MYOF: variants seen among roughly 807,000 people sequenced by gnomAD.
The protein encoded by MYOF is myoferlin, also known as fer-1-like 3, myoferlin.
A neutral mutation model predicts 284.2 loss-of-function variants in MYOF; 244 were observed. The observed-to-expected ratio is 0.86, with a 90% CI of 0.77 to 0.95. The LOEUF (loss-of-function observed/expected upper bound fraction) is 0.95. Among genes scored for constraint, MYOF ranks in the 40% least tolerant of loss-of-function variants. The probability of loss-of-function intolerance (pLI) is 0.00; values close to 1 mark genes in which losing one functional copy is unlikely to be tolerated. For missense variants in MYOF, 2,496 were observed against 2,560.6 expected (o/e 0.97, Z 0.54); for synonymous variants, 904 against 919.7 (o/e 0.98, Z 0.31).
chr10:93,475,960 TTTCCTTAGGCAGTGAG>T (rs1164494425), intron 1 of MYOF, among the ~76,000 whole-genome samples: 1 of 152,210 alleles, frequency 6.6e-6, no homozygotes, highest in Non-Finnish European at 1.5e-5. Flanking sequence ...GTGGGGCCAC[TTTCCTTAGGCAGTGAG>T]TCTCTAAGCC....
chr10:93,389,285 G>C, intron 17 of MYOF, 131 bp from the exon 18 acceptor site: 1 of 999,158 alleles, frequency 1.0e-6, no homozygotes, highest in Non-Finnish European at 1.4e-6. Context: ...AATGCAAGTT[G>C]TAAGCACCAT....
chr10:93,406,844 A>AG (rs1847616421), intron 7 of MYOF, among the ~76,000 whole-genome samples: 1 of 151,178 alleles, frequency 6.6e-6, no homozygotes, highest in African/African-American at 2.4e-5. Context: ...ATAAAGAAGT[A>AG]GGAAAAAAAA....
intron 3 of MYOF, among the ~76,000 whole-genome samples, chr10:93,434,392 C>T (rs1322990971): frequency 6.8e-6 from 1 of 147,656 alleles, no homozygotes; most frequent in Non-Finnish European, 1.5e-5. Context: ...GATCAGGCCA[C>T]TGCACTCCAG....
chr10:93,460,805 A>AGTGCC (rs1330230772), intron 1 of MYOF, among the ~76,000 whole-genome samples: 1 of 150,194 alleles, frequency 6.7e-6, no homozygotes, highest in African/African-American at 2.5e-5. Flanking sequence ...AGAAAAAAAA[A>AGTGCC]GTGCCACAGG....
rs1394147171 is a variant in MYOF at position 93,452,119 on chromosome 10, C to T, written c.167G>A (p.Gly56Asp). ...GGAAGATGAAAAGTCCAGTGGTATA[C>T]CCCTCAAGTCAAACTCCAAAATCTG... ...WNEILEFDLR[G>D]IPLDFSSSLG... is the part of the protein sequence containing the mutation. Residue 56 changes from glycine (G) to aspartate (D), a missense_variant, in exon 3 of 54, where the codon GGT becomes GAT. Gly to Asp is a moderately conservative substitution (Grantham distance 94). Around this residue, in one of 3 missense-constraint regions of MYOF, gnomAD observed 57 missense variants for 62.4 expected, o/e 0.91. Coordinates refer to ENST00000359263, the MANE Select transcript of MYOF (RefSeq NM_013451.4). The T allele has an allele frequency of 1.2e-6, 2 of 1,609,928 alleles. No individual in the cohort carries two copies. Among genetic ancestry groups the T allele is most frequent in the Non-Finnish European group, 1.7e-6 (2 of 1,179,036 alleles).
intron 3 of MYOF, 135 bp from the exon 4 acceptor site, chr10:93,431,651 A>T (rs1848877121): frequency 1.6e-6 from 1 of 624,022 alleles, no homozygotes; most frequent in South Asian, 2.1e-5. Flanking sequence ...CCATTTTGCT[A>T]TTAGCCTCGC....
At chr10:93,472,407 G>A (rs1422334081) in intron 1 of MYOF, among the ~76,000 whole-genome samples, 2 of 152,170 alleles carry the variant, frequency 1.3e-5, no homozygotes, top group African/African-American at 2.4e-5. Context: ...GGGAGGCCGA[G>A]GTGGGCAGAT....
chr10:93,330,538 G>T (rs1025551150), intron 43 of MYOF, among the ~76,000 whole-genome samples: 2 of 152,176 alleles, frequency 1.3e-5, no homozygotes, highest in African/African-American at 4.8e-5. Flanking sequence ...CAGACCCACT[G>T]GGTATGCCCT....
intron 21 of MYOF, among the ~76,000 whole-genome samples, chr10:93,378,693 G>GTATATATATATATATATATATATATA (rs66859494): frequency 3.9e-4 from 34 of 87,862 alleles, no homozygotes; most frequent in African/African-American, 6.7e-4. Flanking sequence ...GTGTGTGTGT[G>GTATATATATATATATATATATATATA]TATATATATA....
intron 51 of MYOF, 63 bp downstream of exon 51, chr10:93,312,956 AG>A: frequency 6.7e-7 from 1 of 1,491,320 alleles, no homozygotes; most frequent in Non-Finnish European, 9.0e-7. Context: ...CTATGGATAA[AG>A]GGCAAAACCT....
intron 26 of MYOF, 147 bp downstream of exon 26, chr10:93,366,245 A>C: frequency 1.2e-6 from 1 of 854,698 alleles, no homozygotes; most frequent in Non-Finnish European, 1.8e-6. Context: ...ACATCTTTCA[A>C]CTTTCTACAA....
At chr10:93,431,581 C>T (rs550780784) in intron 3 of MYOF, 65 bp from the exon 4 acceptor site, 1 of 1,132,358 alleles carries the variant, frequency 8.8e-7, no homozygotes, top group South Asian at 1.3e-5. Context: ...TGACTCAGGA[C>T]CTCTCAACCC....
At chr10:93,385,691 A>G (rs1846329000) in intron 19 of MYOF, among the ~76,000 whole-genome samples, 1 of 151,946 alleles carries the variant, frequency 6.6e-6, no homozygotes, top group Non-Finnish European at 1.5e-5. Context: ...GCTTCATTTC[A>G]CTTTTGATTT....
intron 28 of MYOF, among the ~76,000 whole-genome samples, chr10:93,361,241 C>G (rs1031518576): frequency 6.6e-6 from 1 of 152,162 alleles, no homozygotes; most frequent in Non-Finnish European, 1.5e-5. Context: ...AGGCAGAGCT[C>G]AGGTGGTAAT....
chr10:93,402,187 C>CTTT, intron 11 of MYOF, 45 bp downstream of exon 11: 1 of 1,545,074 alleles, frequency 6.5e-7, no homozygotes. Flanking sequence ...TCTTGGCCTT[C>CTTT]TTTTTTAGTG....
At chr10:93,349,733 T>TTGTGTG in intron 36 of MYOF, 75 bp downstream of exon 36, 8 of 1,439,808 alleles carry the variant, frequency 5.6e-6, no homozygotes, top group Non-Finnish European at 7.6e-6. Context: ...AACTCTGTGT[T>TTGTGTG]TGTGTGTGTG....
At chr10:93,402,138 G>T in intron 11 of MYOF, 94 bp downstream of exon 11, 1 of 918,192 alleles carries the variant, frequency 1.1e-6, no homozygotes. Context: ...ACGGGAAGCT[G>T]TGCTCCATTT....
chr10:93,473,250 A>T (rs1404482708), intron 1 of MYOF, among the ~76,000 whole-genome samples: 1 of 152,228 alleles, frequency 6.6e-6, no homozygotes, highest in Non-Finnish European at 1.5e-5. Context: ...TGCAGAGTTC[A>T]TACTCTAGGC....
chr10:93,450,846 G>A (rs972682004), intron 3 of MYOF, among the ~76,000 whole-genome samples: 10 of 148,716 alleles, frequency 6.7e-5, no homozygotes, highest in South Asian at 2.1e-4. Flanking sequence ...TAAATATCAC[G>A]CTTTTTTTGG....
Sources: gnomAD v4.1 joint callset for allele counts (sites outside exome capture counted in the v4.1 genomes callset) on GRCh38, gnomAD v4.1.1 for gene constraint, gnomAD v4.1.1 regional missense constraint, MANE v1.5 for transcripts, NCBI Gene and HGNC (gene_info 2026-07-23, HGNC 2026-07-21) for gene names.